The following IQGAP3 variants were observed in gnomAD, a reference collection of about 807,000 sequenced individuals.
The protein encoded by IQGAP3 is ras GTPase-activating-like protein IQGAP3.
IQGAP3 carries 165 observed loss-of-function variants against 208.2 expected under a neutral mutation model. That is an observed-to-expected ratio of 0.79 (90% CI 0.70 to 0.90). The LOEUF (loss-of-function observed/expected upper bound fraction) is 0.90. Among genes scored for constraint, IQGAP3 ranks in the 40% least tolerant of loss-of-function variants. The pLI is 0.00. For synonymous variants in IQGAP3, 703 were observed against 803.6 expected, an observed-to-expected ratio of 0.87 and a Z score of 2.12; for missense variants, 1,811 against 2,043.1, an observed-to-expected ratio of 0.89 and a Z score of 2.19.
rs781111183 is a variant in IQGAP3, at chr1:156,534,523, C to T, written c.3718G>A (p.Glu1240Lys). 8 of 1,586,926 alleles carry T rather than the reference C, an allele frequency of 5.0e-6. No individual in the cohort carries two copies. Among genetic ancestry groups the T allele is most frequent in the South Asian group, 2.3e-5 (2 of 87,868 alleles). Reference protein sequence around the residue: ...QHLRVLNDYLEETHLKFRKFI... With the variant: ...QHLRVLNDYLKETHLKFRKFI... The stretch of plus-strand genomic sequence containing the variant: ...GACCTGAACTTGAGGTGTGTTTCCT[C>T]CAGATAGTCATTCAGGACCCGTAGG... The change falls in exon 29 of 38, where the codon GAG becomes AAG. Residue 1240 changes from glutamate (E) to lysine (K), a missense_variant. By Grantham distance (56) the Glu-to-Lys change is moderately conservative. Transcript: ENST00000361170.
At position 156,561,994 on chromosome 1, in the gene IQGAP3, C is replaced by T. The variant is rs749572448; in HGVS notation, c.885G>A (p.Gly295=). The part of the protein sequence containing the change: ...QGNINHVNVH[G]ALEVVDDALE... ...GGGCATCATCAACAACTTCTAGAGC[C>T]CCATGGACTGAAAAAAAATGACTCC... The change falls in exon 10 of 38, where the codon GGG becomes GGA. Residue 295 remains glycine, a synonymous_variant. Transcript: ENST00000361170. The T allele has an allele frequency of 6.2e-7, 1 of 1,604,982 alleles. No homozygotes were observed. Among genetic ancestry groups the T allele is most frequent in the African/African-American group, 1.3e-5 (1 of 74,236 alleles).
At chr1:156,567,799 T>C (rs1046054451) in intron 2 of IQGAP3, among the ~76,000 whole-genome samples, 5 of 152,232 alleles carry the variant, frequency 3.3e-5, no homozygotes, top group Non-Finnish European at 7.3e-5. Flanking sequence ...GATTGACTTT[T>C]AGAGTAACCG....
rs563075991 is a variant in IQGAP3 at position 156,533,444 on chromosome 1, C to T, written c.3976+329G>A. 2.6e-5 allele frequency among the ~76,000 whole-genome samples: 4 copies of T among 152,296 alleles called. No homozygotes were observed. In the East Asian group the frequency reaches 7.7e-4, roughly 29 times the overall value. On this transcript the variant is annotated intron_variant, in intron 31 of 37. Transcript: ENST00000361170. ...CAATCACCATCTTCATTCTGTCCTTCCTCCCAGTAAGTTGGCTTCCTCCTA... is the reference window on the plus strand; with the variant it reads ...CAATCACCATCTTCATTCTGTCCTTTCTCCCAGTAAGTTGGCTTCCTCCTA...
At position 156,528,542 on chromosome 1, in the gene IQGAP3, A is replaced by G. The variant is rs776169578; in HGVS notation, c.4640T>C (p.Val1547Ala). ...YTAAQLLEKG[V>A]LVEIEDLPAS... The stretch of plus-strand genomic sequence containing the variant: ...GGGAAGATCTTCAATTTCCACCAAG[A>G]CACCCTTTTCCAGGAGCTGAGCAGC... The change falls in exon 36 of 38, where the codon GTC becomes GCC. Residue 1547 changes from valine to alanine, a missense_variant. Val to Ala is a moderately conservative substitution (Grantham distance 64). Transcript: ENST00000361170. 1.2e-6 allele frequency: 2 copies of G among 1,613,998 alleles called. No individual in the cohort carries two copies. The highest frequency in any genetic ancestry group is 3.3e-5 in the Admixed American group (2 of 60,004).
chr1:156,537,692 C>A (rs1267969852), intron 26 of IQGAP3, among the ~76,000 whole-genome samples: 1 of 152,140 alleles, frequency 6.6e-6, no homozygotes, highest in Non-Finnish European at 1.5e-5. Context: ...CCTAAAGCCT[C>A]CTGTGCCATC....
chr1:156,547,808 T>A (rs1419160901), intron 19 of IQGAP3, among the ~76,000 whole-genome samples: 1 of 152,232 alleles, frequency 6.6e-6, no homozygotes, highest in Admixed American at 6.5e-5. Context: ...GTGCTATCGT[T>A]ATCCCCATTT....
intron 26 of IQGAP3, among the ~76,000 whole-genome samples, chr1:156,537,806 C>A (rs1674767437): frequency 6.6e-6 from 1 of 152,178 alleles, no homozygotes; most frequent in African/African-American, 2.4e-5. Flanking sequence ...CTATCTCTCC[C>A]ACTATCTCAT....
At chr1:156,530,772 G>A (rs114991171) in intron 33 of IQGAP3, among the ~76,000 whole-genome samples, 2,812 of 152,240 alleles carry the variant, frequency 0.018, 79 homozygotes, top group African/African-American at 0.065. Flanking sequence ...TCACTCCAGC[G>A]GGCCCAACCT....
intron 15 of IQGAP3, among the ~76,000 whole-genome samples, chr1:156,550,959 C>G (rs1270954357): frequency 6.6e-6 from 1 of 152,220 alleles, no homozygotes; most frequent in Non-Finnish European, 1.5e-5. Flanking sequence ...TCCTTCCCAA[C>G]TCTCCTCAAT....
At chr1:156,556,434 T>C (rs1571349165) in intron 12 of IQGAP3, 99 bp downstream of exon 12, 1 of 1,144,234 alleles carries the variant, frequency 8.7e-7, no homozygotes, top group East Asian at 2.5e-5. Flanking sequence ...CGTGCCAGCA[T>C]CTCATATCGC....
intron 25 of IQGAP3, 47 bp from the exon 26 acceptor site, chr1:156,539,080 G>C (rs754730922): frequency 1.4e-5 from 21 of 1,523,630 alleles, no homozygotes; most frequent in Non-Finnish European, 1.9e-5. Context: ...CTCTGTGTAG[G>C]ACATACCGTT....
chr1:156,534,659 G>A lies in IQGAP3; in HGVS notation c.3582C>T (p.Ala1194=), dbSNP rs1674603257. 1.9e-6 allele frequency: 3 copies of A among 1,612,048 alleles called. No individual in the cohort carries two copies. The highest frequency in any genetic ancestry group is 2.5e-6 in the Non-Finnish European group (3 of 1,179,630). ...VVAPDAFDIV[A]MAAGGALAAP... is the part of the protein sequence containing the mutation. ...CAGCCAGGGCTCCACCAGCTGCCATGGCCACAATGTCGAAGGCGTCAGGAG... is the reference window on the plus strand; with the variant it reads ...CAGCCAGGGCTCCACCAGCTGCCATAGCCACAATGTCGAAGGCGTCAGGAG... The change falls in exon 29 of 38, where the codon GCC becomes GCT. Residue 1194 remains alanine, a synonymous_variant. Transcript: ENST00000361170.
At position 156,528,941 on chromosome 1, in the gene IQGAP3, G is replaced by C. The variant is rs1266006251; in HGVS notation, c.4546C>G (p.Leu1516Val). The change falls in exon 35 of 38, where the codon CTG (leucine) becomes GTG (valine). Residue 1516 changes from leucine to valine, a missense_variant. By Grantham distance (32) the Leu-to-Val change is conservative. Coordinates refer to ENST00000361170, the MANE Select transcript of IQGAP3 (RefSeq NM_178229.5). ...DYYSQYIRACLDHLAPDSKSS... is the reference protein window; with the variant it reads ...DYYSQYIRACVDHLAPDSKSS... Reference sequence around the variant, plus strand: ...TTGGAGTCGGGGGCCAGGTGGTCCAGGCAGGCCCGGATGTACTGGCTGTAG... The same window carrying C: ...TTGGAGTCGGGGGCCAGGTGGTCCACGCAGGCCCGGATGTACTGGCTGTAG... The C allele has an allele frequency of 6.2e-7, 1 of 1,614,108 alleles. No individual in the cohort carries two copies. The highest frequency in any genetic ancestry group is 1.3e-5 in the African/African-American group (1 of 74,922).
chr1:156,535,209 G>A lies in IQGAP3; in HGVS notation c.3461C>T (p.Thr1154Ile). 2.5e-6 allele frequency: 4 copies of A among 1,613,644 alleles called. No individual in the cohort carries two copies. Among genetic ancestry groups the A allele is most frequent in the Non-Finnish European group, 3.4e-6 (4 of 1,179,760 alleles). Reference protein sequence around the residue: ...MRYVAKVLKATLAEKFPDATD... With the variant: ...MRYVAKVLKAILAEKFPDATD... The stretch of plus-strand genomic sequence containing the variant: ...GGCGTCAGGGAATTTCTCTGCCAGA[G>A]TTGCCTTCAGGACTTTGGCCACATA... The change falls in exon 28 of 38, where the codon ACT (threonine) becomes ATT (isoleucine). Residue 1154 changes from threonine (T) to isoleucine (I), a missense_variant. By Grantham distance (89) the Thr-to-Ile change is moderately conservative. Coordinates refer to ENST00000361170, the MANE Select transcript of IQGAP3 (RefSeq NM_178229.5).
rs745422432 is a variant in IQGAP3 at position 156,529,082 on chromosome 1, C to T, written c.4405G>A (p.Asp1469Asn). 1 of 1,613,920 alleles carries T rather than the reference C, an allele frequency of 6.2e-7. No individual in the cohort carries two copies. The highest frequency in any genetic ancestry group is 1.1e-5 in the South Asian group (1 of 91,076). The change falls in exon 35 of 38, where the codon GAC becomes AAC. Residue 1469 changes from aspartate (D) to asparagine (N), a missense_variant and splice_region_variant. By Grantham distance (23) the Asp-to-Asn change is conservative. Transcript: ENST00000361170. ...YQGLVDELAK[D>N]IRNQHRHRHR... is the part of the protein sequence containing the mutation. ...CTGTGTCTGTGCTGGTTGCGGATGT[C>T]CTGGGGTTGGGGAACAGATGGAGGG... is the stretch of plus-strand genomic sequence containing the variant.
In IQGAP3 at chr1:156,529,067, G is replaced by A; in HGVS notation, c.4420C>T (p.His1474Tyr). 1.9e-6 allele frequency: 3 copies of A among 1,614,176 alleles called. No individual in the cohort carries two copies. Among genetic ancestry groups the A allele is most frequent in the South Asian group, 2.2e-5 (2 of 91,088 alleles). ...GCCTTCCGCCTGTGCCTGTGTCTGT[G>A]CTGGTTGCGGATGTCCTGGGGTTGG... ...DELAKDIRNQ[H>Y]RHRHRRKAEL... The change falls in exon 35 of 38, where the codon CAC becomes TAC. Residue 1474 changes from histidine (H) to tyrosine (Y), a missense_variant. Physicochemically the swap from His to Tyr is moderately conservative, Grantham distance 83 (BLOSUM62 2). Transcript: ENST00000361170.
At chr1:156,554,538 T>C (rs1466559525) in intron 12 of IQGAP3, 146 bp from the exon 13 acceptor site, 16 of 653,340 alleles carry the variant, frequency 2.4e-5, no homozygotes, top group Non-Finnish European at 3.5e-5. Flanking sequence ...ATAATCATCA[T>C]ACAAAACACC....
At chr1:156,534,822 A>C in intron 28 of IQGAP3, 89 bp from the exon 29 acceptor site, 2 of 1,002,632 alleles carry the variant, frequency 2.0e-6, no homozygotes, top group Non-Finnish European at 2.9e-6. Context: ...GCTGGAAGGG[A>C]CACCTGGGCC....
In IQGAP3 at chr1:156,534,004, C is replaced by T. The variant is rs1471518942; in HGVS notation, c.3873+5G>A. On this transcript the variant is annotated splice_donor_5th_base_variant and intron_variant, in intron 30 of 37. Coordinates refer to ENST00000361170, the MANE Select transcript of IQGAP3 (RefSeq NM_178229.5). The stretch of plus-strand genomic sequence containing the variant: ...GCCAACACCCTCCAGATCTCAGCCC[C>T]TCACCCTGTGCGTGTTGACCAGCTC... 6.2e-7 allele frequency: 1 copy of T among 1,613,486 alleles called. No homozygotes were observed. Among genetic ancestry groups the T allele is most frequent in the African/African-American group, 1.3e-5 (1 of 74,926 alleles).
Sources: gnomAD v4.1 joint callset for allele counts (sites outside exome capture counted in the v4.1 genomes callset) on GRCh38, gnomAD v4.1.1 for gene constraint, MANE v1.5 for transcripts, NCBI Gene and HGNC (gene_info 2026-07-23, HGNC 2026-07-21) for gene names.